Variants in SLC35F4 observed in about 807,000 individuals in gnomAD.
SLC35F4 encodes solute carrier family 35 member F4.
SLC35F4 carries 24 observed loss-of-function variants against 44.2 expected under a neutral mutation model. The ratio of observed to expected loss-of-function variants is 0.54; its 90% confidence interval spans 0.39 to 0.76. The LOEUF (loss-of-function observed/expected upper bound fraction) is 0.76. SLC35F4 is among the 30% of genes least tolerant of loss of function. SLC35F4 has a pLI of 0.00. For missense variants in SLC35F4, 562 were observed against 586.1 expected (o/e 0.96, Z 0.42); for synonymous variants, 238 against 223.6 (o/e 1.06, Z -0.57).
At chr14:57,702,623 T>A (rs933510168) in intron 1 of SLC35F4, among the ~76,000 whole-genome samples, 1 of 152,100 alleles carries the variant, frequency 6.6e-6, no homozygotes, top group Non-Finnish European at 1.5e-5. Context: ...CAGTGAAAAA[T>A]ATGTCAACTC....
intron 1 of SLC35F4, among the ~76,000 whole-genome samples, chr14:57,883,709 C>T (rs921215601): frequency 6.6e-6 from 1 of 152,158 alleles, no homozygotes; most frequent in Non-Finnish European, 1.5e-5. Flanking sequence ...GGGGCCTCAT[C>T]ATCTTGAATC....
At chr14:57,633,873 G>T (rs1594651625) in intron 1 of SLC35F4, among the ~76,000 whole-genome samples, 2 of 152,064 alleles carry the variant, frequency 1.3e-5, no homozygotes, top group African/African-American at 4.8e-5. Flanking sequence ...TTTTATTGCG[G>T]AGTGGTATTC....
chr14:57,590,464 G>A (rs17724022), intron 2 of SLC35F4, among the ~76,000 whole-genome samples: 38,342 of 151,950 alleles, frequency 0.25, 5,665 homozygotes, highest in Middle Eastern at 0.34. Context: ...TGACTACACA[G>A]TCATTTCCCA....
chr14:57,912,824 A>G (rs185775101), intron 1 of SLC35F4, among the ~76,000 whole-genome samples: 44 of 152,078 alleles, frequency 2.9e-4, no homozygotes, highest in African/African-American at 1.0e-3. Flanking sequence ...ATTCTTACTA[A>G]TTTTCAGCCT....
chr14:57,936,390 T>C (rs374824862), intron 1 of SLC35F4, among the ~76,000 whole-genome samples: 2 of 151,980 alleles, frequency 1.3e-5, no homozygotes, highest in Non-Finnish European at 1.5e-5. Context: ...TCTGTGACTT[T>C]TGTGTCCCAG....
chr14:57,893,124 T>C (rs113153388), intron 1 of SLC35F4, among the ~76,000 whole-genome samples: 3,991 of 152,236 alleles, frequency 0.026, 191 homozygotes, highest in African/African-American at 0.091. Flanking sequence ...GGAAACTTTC[T>C]AGAAGCTCTA....
intron 1 of SLC35F4, among the ~76,000 whole-genome samples, chr14:57,714,808 G>A (rs1446243014): frequency 8.2e-6 from 1 of 122,646 alleles, no homozygotes. Context: ...AAGCCCAGAA[G>A]AGGACGATCT....
chr14:57,599,802 G>GAAAA (rs34667001), intron 1 of SLC35F4, among the ~76,000 whole-genome samples: 1 of 126,338 alleles, frequency 7.9e-6, no homozygotes, highest in Non-Finnish European at 1.6e-5. Flanking sequence ...ACTCTGTCTT[G>GAAAA]AAAAAAAAAA....
intron 4 of SLC35F4, among the ~76,000 whole-genome samples, chr14:57,577,363 A>G (rs2068862857): frequency 6.6e-6 from 1 of 152,186 alleles, no homozygotes; most frequent in African/African-American, 2.4e-5. Flanking sequence ...CAGGGACCCA[A>G]ATATAGCTGG....
At chr14:57,607,391 A>G (rs1415622216) in intron 1 of SLC35F4, among the ~76,000 whole-genome samples, 3 of 152,324 alleles carry the variant, frequency 2.0e-5, no homozygotes, top group East Asian at 3.9e-4. Context: ...AAATGAAACT[A>G]TTCGCAAGTT....
At chr14:57,839,645 G>T (rs1009377790) in intron 1 of SLC35F4, among the ~76,000 whole-genome samples, 6 of 151,972 alleles carry the variant, frequency 3.9e-5, no homozygotes, top group African/African-American at 1.2e-4. Flanking sequence ...AGCTAATGGG[G>T]GCTAGGCTTA....
Position 57,564,275 on chromosome 14 carries a change from A to G in SLC35F4, c.1318T>C (p.Trp440Arg). ...GFLLMLLPEE[W>R]DEITLRFINS... Reference sequence around the variant, plus strand: ...ATGAACCTCAGGGTGATTTCATCCCATTCCTCAGGCAACAGCATCAGCAGA... The same window carrying G: ...ATGAACCTCAGGGTGATTTCATCCCGTTCCTCAGGCAACAGCATCAGCAGA... The change falls in exon 8 of 8, where the codon TGG (tryptophan) becomes CGG (arginine). Residue 440 changes from tryptophan to arginine, a missense_variant. Physicochemically the swap from Trp to Arg is moderately radical, Grantham distance 101. Transcript: ENST00000556826. 6.2e-7 allele frequency: 1 copy of G among 1,613,146 alleles called. No homozygotes were observed. Among genetic ancestry groups the G allele is most frequent in the Non-Finnish European group, 8.5e-7 (1 of 1,179,604 alleles).
At chr14:57,775,260 C>T (rs978748097) in intron 1 of SLC35F4, among the ~76,000 whole-genome samples, 1 of 152,232 alleles carries the variant, frequency 6.6e-6, no homozygotes, top group East Asian at 1.9e-4. Context: ...AACCCCAGCA[C>T]CCACTAGCAC....
At chr14:57,783,928 C>T (rs918808061) in intron 1 of SLC35F4, among the ~76,000 whole-genome samples, 1 of 152,172 alleles carries the variant, frequency 6.6e-6, no homozygotes, top group Admixed American at 6.5e-5. Context: ...TCTAGGATTA[C>T]ATTATAGAAG....
chr14:57,982,124 G>A (rs1391343815), upstream of SLC35F4: 5 of 152,134 alleles, frequency 3.3e-5, no homozygotes, highest in Non-Finnish European at 7.3e-5. Flanking sequence ...CATGTCAGCA[G>A]ACACGGTCAA....
chr14:57,865,204 G>A (rs1460389056), intron 1 of SLC35F4, among the ~76,000 whole-genome samples: 14 of 152,018 alleles, frequency 9.2e-5, no homozygotes, highest in Non-Finnish European at 2.1e-4. Context: ...CGCTGGCAGC[G>A]TCTCAACAGC....
At position 57,738,587 on chromosome 14, in the gene SLC35F4, G is replaced by A. The variant is rs939296379; in HGVS notation, c.103+127136C>T. 2.6e-5 allele frequency among the ~76,000 whole-genome samples: 4 copies of A among 151,432 alleles called. 1 individual carries two copies. Among genetic ancestry groups the A allele is most frequent in the Non-Finnish European group, 1.5e-5 (1 of 67,880 alleles). On this transcript the variant is annotated intron_variant, in intron 1 of 7. Transcript: ENST00000556826. ...TATAATACATGCAAAGATGTTTAAG[G>A]GAAAAAAATGAACAAGCAGATTTAA... is the stretch of plus-strand genomic sequence containing the variant.
rs1298748146 is a variant in SLC35F4, at chr14:57,833,331, T to C, written c.103+32392A>G. ...GACCATCTCTGCTAGATAATTTTGG[T>C]ATTTTCATTCTTTTCTGAAAATCAG... On this transcript the variant is annotated intron_variant, in intron 1 of 7. Coordinates refer to ENST00000556826, the MANE Select transcript of SLC35F4 (RefSeq NM_001306087.2). 2.0e-5 allele frequency among the ~76,000 whole-genome samples: 3 copies of C among 152,358 alleles called. No homozygotes were observed. In the East Asian group the frequency reaches 5.8e-4, roughly 29 times the overall value.
At chr14:57,943,721 A>G (rs1307895484) in intron 1 of SLC35F4, among the ~76,000 whole-genome samples, 1 of 152,152 alleles carries the variant, frequency 6.6e-6, no homozygotes, top group Non-Finnish European at 1.5e-5. Context: ...CTTCTGTAAT[A>G]CTATTCGATT....
Sources: gnomAD v4.1 joint callset for allele counts (sites outside exome capture counted in the v4.1 genomes callset) on GRCh38, gnomAD v4.1.1 for gene constraint, MANE v1.5 for transcripts, NCBI Gene and HGNC (gene_info 2026-07-23, HGNC 2026-07-21) for gene names.